The following LMNA variants were observed in gnomAD, a reference collection of about 807,000 sequenced individuals.
LMNA encodes lamin.
LMNA carries 20 observed loss-of-function variants against 70.4 expected under a neutral mutation model. The ratio of observed to expected loss-of-function variants is 0.28; its 90% CI spans 0.20 to 0.41. LMNA has a LOEUF of 0.41. Ranked by LOEUF, LMNA falls within the 10% of genes least tolerant of loss-of-function variation. The pLI is 1.00. For missense variants in LMNA, 652 were observed against 917.2 expected (o/e 0.71, Z 3.73); for synonymous variants, 339 against 372.8 (o/e 0.91, Z 1.04).
Position 156,115,289 on chromosome 1 carries a change from G to T in LMNA, c.356+15G>T. The T allele has an allele frequency of 6.3e-7, 1 of 1,591,584 alleles. No homozygotes were observed. The highest frequency in any genetic ancestry group is 8.5e-7 in the Non-Finnish European group (1 of 1,174,024). ...CTGAAAGCGCGGTGAGTTCGCCCAG[G>T]TGGCTGCGTGCCTGGCGGGGAGTGG... On this transcript the variant is annotated intron_variant, in intron 1 of 11. Coordinates refer to ENST00000368300, the MANE Select transcript of LMNA (RefSeq NM_170707.4). This position sits in a 1 kb window ranked among gnomAD's most constrained non-coding sequence, Gnocchi z 5.8.
rs879254141 is a variant in LMNA at position 156,139,778 on chromosome 1, T to C, written c.*672T>C. ...TTCTGTATTTTATTTAGACAAGAGA[T>C]GGGAATGAGGTGGGAGGTGGAAGAA... On this transcript the variant is annotated 3_prime_UTR_variant, in exon 12 of 12. Coordinates refer to ENST00000368300, the MANE Select transcript of LMNA (RefSeq NM_170707.4). The C allele has an allele frequency of 1.3e-5, 20 of 1,533,376 alleles. No homozygotes were observed. Among genetic ancestry groups the C allele is most frequent in the Non-Finnish European group, 1.7e-5 (20 of 1,146,150 alleles). The allele number at this position is 1,533,376 out of a possible 1,614,324, so 95.0% of individuals were successfully genotyped here.
rs78629466 is a variant in LMNA at position 156,117,915 on chromosome 1, G to A, written c.356+2641G>A. Among the ~76,000 whole-genome samples the A allele has an allele frequency of 7.2e-3, 1,077 of 149,476 alleles. 53 individuals are homozygous for A. The East Asian group carries it at 0.13, about 17-fold the overall frequency. ...CCTCCTGGGCTCAAGCGATCCTACC[G>A]TCTCACCTTCCGGAATAGCTGAGAC... On this transcript the variant is annotated intron_variant, in intron 1 of 11. Coordinates refer to ENST00000368300, the MANE Select transcript of LMNA (RefSeq NM_170707.4).
rs536727943 is a variant in LMNA at position 156,100,997 on chromosome 1, G to A, written c.-207+10415G>A. ...GATCAGAGGGTAAAGTAAATGCCAT[G>A]TCTGGAAAAATTAGTCAGAAAGCAA... On this transcript the variant is annotated intron_variant, in intron 3 of 12. Coordinates refer to the LMNA transcript ENST00000368301. Among the ~76,000 whole-genome samples the A allele has an allele frequency of 6.6e-5, 10 of 152,246 alleles. No individual in the cohort carries two copies. In the East Asian group the frequency reaches 1.9e-3, roughly 29 times the overall value.
Position 156,139,607 on chromosome 1 carries a change from A to G in LMNA, c.*501A>G. The G allele has an allele frequency of 7.1e-7, 1 of 1,407,328 alleles. No homozygotes were observed. The highest frequency in any genetic ancestry group is 2.8e-5 in the East Asian group (1 of 35,370). 87.2% of individuals were successfully genotyped at this position (1,407,328 alleles called of 1,614,324 possible). A position where few individuals can be genotyped will look rare whatever the true frequency, so the allele number is the denominator to read the frequency against. On this transcript the variant is annotated 3_prime_UTR_variant, in exon 12 of 12. Transcript: ENST00000368300. ...CGAGAGGGAGAGAGAGAGAGAGAGG[A>G]CAGCTTGAGCCGGGCCCCTGGGCTT...
At chr1:156,084,410 C>A (rs1648405835) in intron 2 of LMNA, among the ~76,000 whole-genome samples, 1 of 149,276 alleles carries the variant, frequency 6.7e-6, no homozygotes, top group Admixed American at 6.7e-5. Flanking sequence ...AGAACCTTGA[C>A]TGAGGAACCC....
chr1:156,101,344 ATTAG>A (rs945327330), intron 3 of LMNA, among the ~76,000 whole-genome samples: 1 of 152,074 alleles, frequency 6.6e-6, no homozygotes, highest in Non-Finnish European at 1.5e-5. Flanking sequence ...AATAAAAATA[ATTAG>A]TTGGTTGTGG....
chr1:156,102,075 G>A (rs951367096), intron 3 of LMNA, among the ~76,000 whole-genome samples: 2 of 152,196 alleles, frequency 1.3e-5, no homozygotes, highest in East Asian at 1.9e-4. Flanking sequence ...CCAGGCCCTC[G>A]CCTTCCCTAG....
chr1:156,132,189 G>A (rs1362976691), intron 2 of LMNA, among the ~76,000 whole-genome samples: 1 of 151,842 alleles, frequency 6.6e-6, no homozygotes, highest in Non-Finnish European at 1.5e-5. Flanking sequence ...ATAAAAAATA[G>A]CCAGGCACGG....
chr1:156,099,153 GCCCTGGAGCCCTCTCCTTAGCAAT>G (rs1649049219), intron 3 of LMNA, among the ~76,000 whole-genome samples: 1 of 152,148 alleles, frequency 6.6e-6, no homozygotes, highest in Non-Finnish European at 1.5e-5. Context: ...GAAGGAGAGG[GCCCTGGAGCCCTCTCCTTAGCAAT>G]TAGGCCTTAG....
At chr1:156,089,497 T>G (rs538151817) in intron 2 of LMNA, among the ~76,000 whole-genome samples, 1 of 151,628 alleles carries the variant, frequency 6.6e-6, no homozygotes, top group South Asian at 2.1e-4. Flanking sequence ...GGTTTTACCA[T>G]GTTGGTCAGG....
chr1:156,104,097 G>A (rs1189583490), intron 3 of LMNA, among the ~76,000 whole-genome samples: 1 of 152,254 alleles, frequency 6.6e-6, no homozygotes, highest in Non-Finnish European at 1.5e-5. Flanking sequence ...GTAGAGGGAA[G>A]GCCTGGCAGC....
chr1:156,107,520 T>TG (rs1649394426), intron 3 of LMNA, among the ~76,000 whole-genome samples: 1 of 152,204 alleles, frequency 6.6e-6, no homozygotes, highest in Non-Finnish European at 1.5e-5. Context: ...GGAAGTGGGC[T>TG]GGGGGGATCA....
intron 3 of LMNA, among the ~76,000 whole-genome samples, chr1:156,107,806 C>CT (rs1470956077): frequency 1.3e-5 from 2 of 149,480 alleles, no homozygotes; most frequent in Admixed American, 6.6e-5. Flanking sequence ...TTTTTTTTTT[C>CT]TTTTTTTTCT....
In LMNA at chr1:156,135,385, G is replaced by T. The variant is rs907855816; in HGVS notation, c.936+73G>T. ...GGATGCAGGCTGGAAGCCCAGGGTT[G>T]GGGGTGGGGGTGGGGGTGGGAGGTT... On this transcript the variant is annotated intron_variant, in intron 5 of 11. Coordinates refer to ENST00000368300, the MANE Select transcript of LMNA (RefSeq NM_170707.4). The surrounding 1 kb of genome is among the most constrained non-coding windows in gnomAD (Gnocchi z 4.8). The T allele has an allele frequency of 1.3e-5, 19 of 1,453,520 alleles. No individual in the cohort carries two copies. Among genetic ancestry groups the T allele is most frequent in the Non-Finnish European group, 1.8e-5 (19 of 1,064,944 alleles). The allele number at this position is 1,453,520 out of a possible 1,614,324, so 90.0% of individuals were successfully genotyped here. A position where few individuals can be genotyped will look rare whatever the true frequency, so the allele number is the denominator to read the frequency against.
chr1:156,087,259 G>A (rs1016166744), intron 2 of LMNA, among the ~76,000 whole-genome samples: 1 of 136,998 alleles, frequency 7.3e-6, no homozygotes, highest in African/African-American at 2.7e-5. Context: ...TTTTTTTTGT[G>A]GGGGGACAGA....
intron 2 of LMNA, among the ~76,000 whole-genome samples, chr1:156,084,329 G>GGGGC (rs780297406): frequency 9.3e-5 from 1 of 10,796 alleles, no homozygotes; most frequent in Non-Finnish European, 1.8e-4. Flanking sequence ...TCAGAAGGTC[G>GGGGC]GGGGGTGGTG....
intron 3 of LMNA, chr1:156,106,855 A>T (rs1226051113): frequency 1.3e-5 from 2 of 152,266 alleles, no homozygotes; most frequent in East Asian, 3.9e-4. Flanking sequence ...GGAGCCTGAG[A>T]CTCACAAGTG....
chr1:156,137,360 C>T lies in LMNA; in HGVS notation c.1608+128C>T. Reference sequence around the variant, plus strand: ...TTCTAGAGCTCTCTGTTGCAGGCTCCAGACTTCTCCACCCAGTAGGCAAAC... The same window carrying T: ...TTCTAGAGCTCTCTGTTGCAGGCTCTAGACTTCTCCACCCAGTAGGCAAAC... On this transcript the variant is annotated intron_variant, in intron 9 of 11. Transcript: ENST00000368300. This position sits in a 1 kb window ranked among gnomAD's most constrained non-coding sequence, Gnocchi z 4.6. 1 of 1,246,558 alleles carries T rather than the reference C, an allele frequency of 8.0e-7. No individual in the cohort carries two copies. The highest frequency in any genetic ancestry group is 1.1e-6 in the Non-Finnish European group (1 of 886,368). 77.2% of individuals were successfully genotyped at this position (1,246,558 alleles called of 1,614,324 possible).
intron 2 of LMNA, among the ~76,000 whole-genome samples, chr1:156,087,750 G>C (rs1038038678): frequency 1.3e-5 from 2 of 150,794 alleles, no homozygotes. Flanking sequence ...ATGAGATCTC[G>C]CTATGTTGCC....
Sources: gnomAD v4.1 joint callset for allele counts (sites outside exome capture counted in the v4.1 genomes callset) on GRCh38, gnomAD v4.1.1 for gene constraint, Gnocchi (gnomAD v3.1) non-coding constraint, MANE v1.5 for transcripts, NCBI Gene and HGNC (gene_info 2026-07-23, HGNC 2026-07-21) for gene names.